Variants in MBD5 observed in about 807,000 individuals in gnomAD.
MBD5 encodes methyl-CpG binding domain protein 5.
In MBD5, 13 loss-of-function variants were observed where a neutral mutation model predicts 117.3. The observed-to-expected ratio is 0.11, with a 90% CI of 0.07 to 0.18. The LOEUF is 0.18. Among genes scored for constraint, MBD5 ranks in the 10% least tolerant of loss-of-function variants. The probability of loss-of-function intolerance (pLI) is 1.00; values close to 1 mark genes in which losing one functional copy is unlikely to be tolerated. For missense variants in MBD5, 1,879 were observed against 2,093.8 expected (o/e 0.90, Z 2.00); for synonymous variants, 727 against 766.4 (o/e 0.95, Z 0.85).
At chr2:148,309,471 G>A (rs1425688903) in intron 3 of MBD5, among the ~76,000 whole-genome samples, 1 of 151,206 alleles carries the variant, frequency 6.6e-6, no homozygotes, top group African/African-American at 2.4e-5. Flanking sequence ...TGGTGTATAG[G>A]GTGATTTTTG....
At chr2:148,077,733 TG>T (rs1695541808) in intron 1 of MBD5, among the ~76,000 whole-genome samples, 1 of 152,168 alleles carries the variant, frequency 6.6e-6, no homozygotes, top group Non-Finnish European at 1.5e-5. Flanking sequence ...GGAGTGGGAT[TG>T]TATAAAACAA....
intron 1 of MBD5, among the ~76,000 whole-genome samples, chr2:148,156,699 CAA>C (rs1697885272): frequency 6.6e-6 from 1 of 152,096 alleles, no homozygotes; most frequent in African/African-American, 2.4e-5. Context: ...TTCACTTAGC[CAA>C]AGTTAATAAA....
chr2:148,306,504 A>G (rs1001520664), intron 3 of MBD5, among the ~76,000 whole-genome samples: 2 of 152,218 alleles, frequency 1.3e-5, no homozygotes, highest in Non-Finnish European at 2.9e-5. Flanking sequence ...ATAATACTCA[A>G]TAATAGTATC....
At chr2:148,198,288 TCAC>T (rs1265065877) in intron 2 of MBD5, among the ~76,000 whole-genome samples, 1 of 152,216 alleles carries the variant, frequency 6.6e-6, no homozygotes, top group Non-Finnish European at 1.5e-5. Context: ...AACATGTTTA[TCAC>T]CACAACTACC....
In MBD5 at chr2:148,394,277, C is replaced by G. The variant is rs970645333; in HGVS notation, c.-557+51941C>G. On this transcript the variant is annotated intron_variant, in intron 4 of 13. Coordinates refer to ENST00000642680, the MANE Select transcript of MBD5 (RefSeq NM_001378120.1). Reference sequence around the variant, plus strand: ...TGGAACAACTTAAAATAAGAATTCACTATACCTTGAAAATTTGGTAGAATC... The same window carrying G: ...TGGAACAACTTAAAATAAGAATTCAGTATACCTTGAAAATTTGGTAGAATC... Among the ~76,000 whole-genome samples the G allele has an allele frequency of 2.0e-5, 3 of 152,108 alleles. No individual in the cohort carries two copies. The East Asian group carries it at 5.8e-4, about 29-fold the overall frequency.
chr2:148,221,156 A>G (rs1030283247), intron 2 of MBD5, among the ~76,000 whole-genome samples: 1 of 151,992 alleles, frequency 6.6e-6, no homozygotes, highest in African/African-American at 2.4e-5. Flanking sequence ...TCAGTACCAC[A>G]CTTTCTTATA....
intron 1 of MBD5, among the ~76,000 whole-genome samples, chr2:148,156,694 T>G (rs1697885062): frequency 6.6e-6 from 1 of 152,230 alleles, no homozygotes; most frequent in Admixed American, 6.5e-5. Context: ...CGCCTTTCAC[T>G]TAGCCAAAGT....
chr2:148,265,548 AT>A (rs5835182), intron 3 of MBD5, among the ~76,000 whole-genome samples: 151,202 of 152,238 alleles, frequency 0.99, 75,097 homozygotes, highest in Non-Finnish European at 1. Context: ...ATAAAAAACT[AT>A]TTTTTCATAC....
At chr2:148,449,359 G>A (rs924024512) in intron 4 of MBD5, among the ~76,000 whole-genome samples, 3 of 151,954 alleles carry the variant, frequency 2.0e-5, no homozygotes, top group African/African-American at 7.2e-5. Flanking sequence ...TTGCAATCTT[G>A]TAGGATGTCA....
chr2:148,368,250 C>G (rs1284973225), intron 4 of MBD5, among the ~76,000 whole-genome samples: 1 of 152,132 alleles, frequency 6.6e-6, no homozygotes, highest in Non-Finnish European at 1.5e-5. Context: ...ACCGCATGTT[C>G]TCACTCATAA....
chr2:148,149,565 A>C lies in MBD5; in HGVS notation c.-924-29135A>C, dbSNP rs202189796. ...GTTTACAGTCCCACCAACAGTGTAA[A>C]AGTGTTCCTATTTCTCCACATCCTC... On this transcript the variant is annotated intron_variant, in intron 1 of 13. Coordinates refer to ENST00000642680, the MANE Select transcript of MBD5 (RefSeq NM_001378120.1). Among the ~76,000 whole-genome samples the C allele has an allele frequency of 4.6e-5, 7 of 151,532 alleles. No homozygotes were observed. In the East Asian group the frequency reaches 1.4e-3, roughly 30 times the overall value.
intron 1 of MBD5, among the ~76,000 whole-genome samples, chr2:148,095,655 A>G (rs774108491): frequency 1.2e-4 from 19 of 152,128 alleles, no homozygotes; most frequent in East Asian, 1.9e-4. Context: ...GCACATTTAT[A>G]TAGATTACTT....
chr2:148,339,708 A>G (rs1004577144), intron 3 of MBD5, among the ~76,000 whole-genome samples: 1 of 152,106 alleles, frequency 6.6e-6, no homozygotes, highest in Non-Finnish European at 1.5e-5. Context: ...TTTCGTTCCT[A>G]CAAATGACGA....
At chr2:148,294,502 T>TTTTTTTTTTTTTGTTG in intron 3 of MBD5, among the ~76,000 whole-genome samples, 1 of 13,536 alleles carries the variant, frequency 7.4e-5, no homozygotes, top group East Asian at 4.6e-3. Context: ...GGGATTACAG[T>TTTTTTTTTTTTTGTTG]TTTTTTTTTT....
At chr2:148,164,369 G>C (rs1320763784) in intron 1 of MBD5, among the ~76,000 whole-genome samples, 1 of 151,866 alleles carries the variant, frequency 6.6e-6, no homozygotes, top group East Asian at 1.9e-4. Flanking sequence ...TTAACCTTAG[G>C]GTATATGGAG....
intron 1 of MBD5, among the ~76,000 whole-genome samples, chr2:148,089,649 A>G (rs905850577): frequency 5.3e-5 from 8 of 152,156 alleles, no homozygotes; most frequent in African/African-American, 1.9e-4. Context: ...ACTGAATGAT[A>G]ATAGTGACAC....
At chr2:148,113,818 TAGA>T (rs1393539708) in intron 1 of MBD5, among the ~76,000 whole-genome samples, 1 of 152,176 alleles carries the variant, frequency 6.6e-6, no homozygotes, top group Non-Finnish European at 1.5e-5. Context: ...TTAGAAAACA[TAGA>T]AGAAAAAGAG....
At chr2:148,150,108 G>C (rs1238551681) in intron 1 of MBD5, among the ~76,000 whole-genome samples, 2 of 114,338 alleles carry the variant, frequency 1.7e-5, no homozygotes, top group Non-Finnish European at 3.7e-5. Flanking sequence ...ATCTTGAATT[G>C]ATTTTTGTAT....
intron 4 of MBD5, among the ~76,000 whole-genome samples, chr2:148,361,762 G>T (rs1703540439): frequency 6.6e-6 from 1 of 152,230 alleles, no homozygotes; most frequent in Non-Finnish European, 1.5e-5. Context: ...CCGGTCTGCA[G>T]CTCCCAGCGA....
Sources: gnomAD v4.1 joint callset for allele counts (sites outside exome capture counted in the v4.1 genomes callset) on GRCh38, gnomAD v4.1.1 for gene constraint, MANE v1.5 for transcripts, NCBI Gene and HGNC (gene_info 2026-07-23, HGNC 2026-07-21) for gene names.